Variants in NEGR1 observed in about 807,000 individuals in gnomAD.
The protein encoded by NEGR1 is IgLON family member 4.
Under a neutral mutation model 40.9 loss-of-function variants are expected in NEGR1, and 10 were observed. The ratio of observed to expected loss-of-function variants is 0.24; its 90% CI spans 0.15 to 0.42. The LOEUF is 0.42. NEGR1 is among the 10% of genes least tolerant of loss of function. The pLI is 1.00. For missense variants in NEGR1, 352 were observed against 438.9 expected (o/e 0.80, Z 1.77); for synonymous variants, 185 against 166.8 (o/e 1.11, Z -0.84).
At chr1:71,710,449 C>T (rs1654041658) in intron 3 of NEGR1, among the ~76,000 whole-genome samples, 1 of 152,174 alleles carries the variant, frequency 6.6e-6, no homozygotes, top group Non-Finnish European at 1.5e-5. Context: ...GCACTGTTTA[C>T]AGTTGCTAAA....
chr1:72,112,078 C>T (rs1383428697), intron 1 of NEGR1, among the ~76,000 whole-genome samples: 1 of 151,738 alleles, frequency 6.6e-6, no homozygotes, highest in Non-Finnish European at 1.5e-5. Flanking sequence ...GCCTAAGAAG[C>T]TGAGTGAAAT....
intron 1 of NEGR1, among the ~76,000 whole-genome samples, chr1:72,261,355 G>T (rs982969716): frequency 1.3e-5 from 2 of 151,676 alleles, no homozygotes; most frequent in African/African-American, 4.8e-5. Flanking sequence ...AATTTAATAG[G>T]CAAATCTTCT....
At chr1:71,831,339 A>C (rs1658833246) in intron 2 of NEGR1, among the ~76,000 whole-genome samples, 1 of 151,916 alleles carries the variant, frequency 6.6e-6, no homozygotes, top group Admixed American at 6.6e-5. Context: ...ATTGCAAATA[A>C]AGGTGTTAGA....
intron 2 of NEGR1, among the ~76,000 whole-genome samples, chr1:71,924,876 G>A (rs1026915836): frequency 2.0e-5 from 3 of 151,692 alleles, no homozygotes; most frequent in Admixed American, 6.6e-5. Flanking sequence ...AGTCATGAAT[G>A]TCTAACTAAT....
chr1:71,784,365 C>T (rs1450743445), intron 2 of NEGR1, among the ~76,000 whole-genome samples: 1 of 151,032 alleles, frequency 6.6e-6, no homozygotes. Context: ...TTTAAAGATC[C>T]TCAGAATATT....
chr1:71,578,303 AC>A (rs1649025328), intron 6 of NEGR1, among the ~76,000 whole-genome samples: 1 of 152,118 alleles, frequency 6.6e-6, no homozygotes, highest in Admixed American at 6.6e-5. Flanking sequence ...AAAACAACTA[AC>A]ATGCAAAGGC....
chr1:72,063,349 C>A (rs1180853965), intron 1 of NEGR1, among the ~76,000 whole-genome samples: 2 of 151,640 alleles, frequency 1.3e-5, no homozygotes, highest in Non-Finnish European at 1.5e-5. Context: ...GTGGGTTTTG[C>A]CATTGGAAGT....
chr1:71,668,672 A>C (rs1652318469), intron 4 of NEGR1, among the ~76,000 whole-genome samples: 1 of 152,132 alleles, frequency 6.6e-6, no homozygotes, highest in Admixed American at 6.5e-5. Flanking sequence ...AAAACATCAG[A>C]TATCTAGATG....
intron 3 of NEGR1, among the ~76,000 whole-genome samples, chr1:71,752,089 G>A (rs926673436): frequency 6.6e-6 from 1 of 152,094 alleles, no homozygotes; most frequent in South Asian, 2.1e-4. Context: ...TAGTAACCAC[G>A]AAATAAAGTA....
At chr1:72,185,965 T>C (rs1022781229) in intron 1 of NEGR1, among the ~76,000 whole-genome samples, 1 of 151,868 alleles carries the variant, frequency 6.6e-6, no homozygotes, top group Non-Finnish European at 1.5e-5. Flanking sequence ...ATTCTTTAGA[T>C]GTAATTTACT....
chr1:71,839,715 GATTTT>G (rs1428530563), intron 2 of NEGR1, among the ~76,000 whole-genome samples: 5 of 152,030 alleles, frequency 3.3e-5, no homozygotes, highest in Non-Finnish European at 7.4e-5. Flanking sequence ...TATTCCAGAG[GATTTT>G]ATTTTAACCA....
At chr1:72,198,591 T>A (rs1331267982) in intron 1 of NEGR1, among the ~76,000 whole-genome samples, 1 of 152,086 alleles carries the variant, frequency 6.6e-6, no homozygotes, top group African/African-American at 2.4e-5. Context: ...GAATGCTGAA[T>A]TTGATTGTCC....
chr1:71,448,510 A>G (rs1646599735), intron 6 of NEGR1, among the ~76,000 whole-genome samples: 2 of 152,162 alleles, frequency 1.3e-5, no homozygotes, highest in Non-Finnish European at 2.9e-5. Flanking sequence ...GCGGCAGGAG[A>G]ATCGCTTGAG....
intron 1 of NEGR1, among the ~76,000 whole-genome samples, chr1:72,099,877 C>G (rs1228823235): frequency 6.6e-6 from 1 of 151,122 alleles, no homozygotes; most frequent in African/African-American, 2.5e-5. Context: ...TATATACTCT[C>G]TCTCTCTCCA....
chr1:71,928,883 C>T (rs1039638830), intron 2 of NEGR1, among the ~76,000 whole-genome samples: 2 of 151,926 alleles, frequency 1.3e-5, no homozygotes, highest in African/African-American at 4.8e-5. Context: ...TGCCTGAGCT[C>T]AGTATAATTT....
intron 6 of NEGR1, among the ~76,000 whole-genome samples, chr1:71,579,078 A>T (rs551109440): frequency 2.6e-5 from 4 of 152,272 alleles, no homozygotes; most frequent in African/African-American, 9.6e-5. Context: ...TCACATTTTA[A>T]AAGCTAGCAA....
chr1:71,962,937 A>T (rs1419256222), intron 1 of NEGR1, among the ~76,000 whole-genome samples: 2 of 152,080 alleles, frequency 1.3e-5, no homozygotes, highest in African/African-American at 4.8e-5. Context: ...CTTTTGTCTT[A>T]AAAACAATGT....
intron 1 of NEGR1, among the ~76,000 whole-genome samples, chr1:72,277,672 C>A (rs1444405186): frequency 6.6e-6 from 1 of 151,986 alleles, no homozygotes; most frequent in Non-Finnish European, 1.5e-5. Context: ...AATTCATTAT[C>A]CCTGCTCTTT....
chr1:71,941,415 A>C (rs1189986639), intron 1 of NEGR1, among the ~76,000 whole-genome samples: 1 of 152,160 alleles, frequency 6.6e-6, no homozygotes. Flanking sequence ...GTATACATAA[A>C]TTGTATGGTT....
Sources: gnomAD v4.1 joint callset for allele counts (sites outside exome capture counted in the v4.1 genomes callset) on GRCh38, gnomAD v4.1.1 for gene constraint, MANE v1.5 for transcripts, NCBI Gene and HGNC (gene_info 2026-07-23, HGNC 2026-07-21) for gene names.